ERICH2: variants seen among roughly 807,000 people sequenced by gnomAD.
ERICH2 encodes glutamate-rich protein 2.
A neutral mutation model predicts 17.4 loss-of-function variants in ERICH2; 17 were observed. The observed-to-expected ratio is 0.98, with a 90% CI of 0.67 to 1.47. ERICH2 has a LOEUF of 1.47. ERICH2 is among the 40% of genes most tolerant of loss of function. The probability of loss-of-function intolerance (pLI) is 0.00; values close to 1 mark genes in which losing one functional copy is unlikely to be tolerated. For synonymous variants in ERICH2, 51 were observed against 61.1 expected (o/e 0.83, Z 0.77); for missense variants, 186 against 183.2 (o/e 1.01, Z -0.09).
At chr2:170,796,431 T>TTA (rs1553569070) in intron 3 of ERICH2, among the ~76,000 whole-genome samples, 5 of 88,350 alleles carry the variant, frequency 5.7e-5, no homozygotes, top group African/African-American at 2.1e-4. Context: ...TCTCTTTGTT[T>TTA]TTTTTTTTGT....
At chr2:170,798,552 T>C (rs1040370162) in intron 4 of ERICH2, among the ~76,000 whole-genome samples, 3 of 152,248 alleles carry the variant, frequency 2.0e-5, no homozygotes, top group Admixed American at 2.0e-4. Context: ...ATTATTTTTA[T>C]AGACTTATGT....
chr2:170,794,319 G>C (rs1351366440), intron 3 of ERICH2, among the ~76,000 whole-genome samples: 2 of 151,720 alleles, frequency 1.3e-5, no homozygotes, highest in Non-Finnish European at 2.9e-5. Flanking sequence ...TGTTGGCCAG[G>C]CTGGTCTCGA....
chr2:170,798,838 G>A (rs1352338177), exon 5 of ERICH2: 4 of 1,550,684 alleles, frequency 2.6e-6, no homozygotes, highest in Non-Finnish European at 3.5e-6. Context: ...GAGTAAAGGA[G>A]AAAGCGATGA....
the ERICH2 span, chr2:170,777,854 T>A: frequency 2.5e-6 from 1 of 403,998 alleles, no homozygotes; most frequent in Non-Finnish European, 4.3e-6. Flanking sequence ...AGAAGGACAG[T>A]TAAAATGAAA....
At chr2:170,772,092 A>G in the ERICH2 span, among the ~76,000 whole-genome samples, 6 of 152,070 alleles carry the variant, frequency 3.9e-5, no homozygotes, top group Admixed American at 3.9e-4. Context: ...AACAATAATA[A>G]CAATAACATT....
At chr2:170,787,121 C>A (rs1701177545) in intron 2 of ERICH2, among the ~76,000 whole-genome samples, 1 of 151,992 alleles carries the variant, frequency 6.6e-6, no homozygotes, top group Admixed American at 6.6e-5. Flanking sequence ...CAGGCATGAT[C>A]ATGTTACACT....
At chr2:170,778,647 T>C in the ERICH2 span, among the ~76,000 whole-genome samples, 1 of 152,300 alleles carries the variant, frequency 6.6e-6, no homozygotes, top group African/African-American at 2.4e-5. Flanking sequence ...AAAAAGAGCC[T>C]TGTTACATAT....
chr2:170,788,959 C>A (rs80004810), intron 2 of ERICH2, among the ~76,000 whole-genome samples: 36,796 of 122,534 alleles, frequency 0.3, 5,426 homozygotes, highest in South Asian at 0.41. Context: ...TTCTTTCTTT[C>A]TTTATTTTTT....
chr2:170,782,348 A>T, upstream of ERICH2: 1 of 982,980 alleles, frequency 1.0e-6, no homozygotes, highest in Non-Finnish European at 1.2e-6. Flanking sequence ...ACAAATCTAC[A>T]GTCTGACCTA....
the ERICH2 span, chr2:170,775,649 C>T: frequency 6.6e-6 from 1 of 152,352 alleles, no homozygotes; most frequent in South Asian, 2.1e-4. Context: ...TTCATTTATC[C>T]TAGAGTTTGG....
upstream of ERICH2, among the ~76,000 whole-genome samples, chr2:170,783,463 C>T (rs186348668): frequency 3.3e-5 from 5 of 152,182 alleles, no homozygotes; most frequent in African/African-American, 4.8e-5. Context: ...GCACAAGACT[C>T]GCTTGAACCT....
At chr2:170,776,143 A>G in the ERICH2 span, among the ~76,000 whole-genome samples, 37,625 of 151,956 alleles carry the variant, frequency 0.25, 5,075 homozygotes, top group South Asian at 0.35. Context: ...GCTACACTAT[A>G]CGAAAATCAG....
chr2:170,796,499 G>T (rs553887050), intron 3 of ERICH2, among the ~76,000 whole-genome samples: 1 of 145,288 alleles, frequency 6.9e-6, no homozygotes, highest in East Asian at 2.0e-4. Context: ...GCAGTGGCAC[G>T]ATTTCAACCC....
chr2:170,797,893 CA>C, intron 3 of ERICH2, 147 bp from the exon 9 acceptor site: 5 of 557,116 alleles, frequency 9.0e-6, no homozygotes, highest in Non-Finnish European at 1.6e-5. Flanking sequence ...TATTTGTACT[CA>C]GATATACCTG....
chr2:170,793,935 A>C (rs1575411447), intron 3 of ERICH2, among the ~76,000 whole-genome samples: 1 of 152,024 alleles, frequency 6.6e-6, no homozygotes, highest in African/African-American at 2.4e-5. Flanking sequence ...CTTTTCAAAT[A>C]CCACTTCTAG....
chr2:170,786,714 A>G (rs572690905), intron 2 of ERICH2, among the ~76,000 whole-genome samples: 1 of 152,144 alleles, frequency 6.6e-6, no homozygotes, highest in Admixed American at 6.5e-5. Flanking sequence ...TTTAGATAAT[A>G]TCTATTGCTA....
intron 2 of ERICH2, among the ~76,000 whole-genome samples, chr2:170,789,683 A>G (rs1249698684): frequency 6.6e-6 from 1 of 152,234 alleles, no homozygotes; most frequent in Admixed American, 6.5e-5. Flanking sequence ...GAACTATTAA[A>G]GGAAATATAT....
chr2:170,789,214 C>G (rs1209866814), intron 2 of ERICH2, among the ~76,000 whole-genome samples: 1 of 151,858 alleles, frequency 6.6e-6, no homozygotes, highest in African/African-American at 2.4e-5. Context: ...ATCCGCCCAC[C>G]TCGGCCTCCC....
intron 2 of ERICH2, among the ~76,000 whole-genome samples, chr2:170,792,127 G>A (rs375948813): frequency 6.6e-5 from 10 of 152,176 alleles, no homozygotes; most frequent in South Asian, 6.2e-4. Context: ...TAAAAAATAC[G>A]TAAGAATATT....
Sources: allele counts gnomAD v4.1 joint callset (sites outside exome capture counted in the v4.1 genomes callset), GRCh38; gene constraint gnomAD v4.1.1; transcripts MANE v1.5; gene names NCBI Gene and HGNC (gene_info 2026-07-23, HGNC 2026-07-21).